Variants in DOCK3 observed in about 807,000 individuals in gnomAD.
DOCK3 encodes dedicator of cytokinesis 3.
A neutral mutation model predicts 265.6 loss-of-function variants in DOCK3; 60 were observed. That is an observed-to-expected ratio of 0.23 (90% CI 0.18 to 0.28). The LOEUF (loss-of-function observed/expected upper bound fraction) is 0.28. Among genes scored for constraint, DOCK3 ranks in the 10% least tolerant of loss-of-function variants. The pLI is 1.00. For missense variants in DOCK3, 1,981 were observed against 2,594.3 expected (o/e 0.76, Z 5.14); for synonymous variants, 881 against 938.0 (o/e 0.94, Z 1.11).
intron 5 of DOCK3, among the ~76,000 whole-genome samples, chr3:50,963,689 G>T (rs2076950619): frequency 6.6e-6 from 1 of 152,132 alleles, no homozygotes; most frequent in Non-Finnish European, 1.5e-5. Flanking sequence ...AAAGGATAGT[G>T]ATCCTTTAGA....
chr3:50,769,667 C>T (rs1007986534), intron 1 of DOCK3, among the ~76,000 whole-genome samples: 5 of 151,646 alleles, frequency 3.3e-5, no homozygotes, highest in Admixed American at 6.6e-5. Flanking sequence ...AAAAATTAGC[C>T]GGGTGTGTGT....
rs28739431 is a variant in DOCK3 at position 50,819,956 on chromosome 3, C to T, written c.122-21719C>T. 3.3e-3 allele frequency among the ~76,000 whole-genome samples: 509 copies of T among 152,046 alleles called. 1 individual carries two copies. Among genetic ancestry groups the T allele is most frequent in the African/African-American group, 9.9e-3 (409 of 41,490 alleles). The stretch of plus-strand genomic sequence containing the variant: ...TAACTTGGGCGAGAGAGCAAGACTC[C>T]GTCTCAAAATAAAAAACAACAACAA... On this transcript the variant is annotated intron_variant, in intron 2 of 52. Transcript: ENST00000266037.
chr3:51,315,601 G>A (rs758801019), intron 32 of DOCK3, among the ~76,000 whole-genome samples: 1 of 152,132 alleles, frequency 6.6e-6, no homozygotes, highest in Non-Finnish European at 1.5e-5. Context: ...AATGGCTTCA[G>A]GCTGTCCTCC....
At chr3:50,798,956 C>A (rs1293939378) in intron 2 of DOCK3, among the ~76,000 whole-genome samples, 2 of 152,104 alleles carry the variant, frequency 1.3e-5, no homozygotes, top group Admixed American at 1.3e-4. Flanking sequence ...CCAGTTTTTT[C>A]AGCATAATTT....
intron 12 of DOCK3, among the ~76,000 whole-genome samples, chr3:51,204,899 A>G (rs1576405979): frequency 6.6e-6 from 1 of 152,080 alleles, no homozygotes; most frequent in African/African-American, 2.4e-5. Flanking sequence ...CATCATTCTC[A>G]GTAAACTATC....
At chr3:50,800,380 T>G (rs543840061) in intron 2 of DOCK3, among the ~76,000 whole-genome samples, 14,311 of 152,178 alleles carry the variant, frequency 0.094, 821 homozygotes, top group Non-Finnish European at 0.12. Context: ...GTTATTATTG[T>G]TATTGGTTCA....
chr3:51,298,643 A>G (rs148895639), intron 27 of DOCK3, among the ~76,000 whole-genome samples: 6 of 152,200 alleles, frequency 3.9e-5, no homozygotes, highest in African/African-American at 1.4e-4. Flanking sequence ...GCACCCACTT[A>G]TAAGTGAGAA....
At chr3:51,111,217 G>A (rs2109837988) in intron 9 of DOCK3, among the ~76,000 whole-genome samples, 1 of 152,190 alleles carries the variant, frequency 6.6e-6, no homozygotes, top group East Asian at 1.9e-4. Context: ...CATGCTCATG[G>A]ATAGGAAGAA....
chr3:51,266,076 C>G (rs946244797), intron 23 of DOCK3, among the ~76,000 whole-genome samples: 2 of 152,072 alleles, frequency 1.3e-5, no homozygotes, highest in Admixed American at 6.5e-5. Context: ...CGCCCCTTTA[C>G]AATTGCTACA....
At chr3:51,295,775 G>T (rs1309253045) in intron 27 of DOCK3, among the ~76,000 whole-genome samples, 1 of 151,932 alleles carries the variant, frequency 6.6e-6, no homozygotes, top group Non-Finnish European at 1.5e-5. Context: ...GGGCAATAAG[G>T]CGTTGGGGGG....
At chr3:51,174,338 T>C (rs1422141775) in intron 12 of DOCK3, among the ~76,000 whole-genome samples, 1 of 152,052 alleles carries the variant, frequency 6.6e-6, no homozygotes, top group Non-Finnish European at 1.5e-5. Flanking sequence ...GTGTGGTGGT[T>C]TGTGCCTATA....
At chr3:51,135,622 T>C (rs2107058051) in intron 9 of DOCK3, among the ~76,000 whole-genome samples, 1 of 152,348 alleles carries the variant, frequency 6.6e-6, no homozygotes, top group South Asian at 2.1e-4. Context: ...GTACTACTAA[T>C]GGTAGTCAAA....
At chr3:50,705,345 C>T (rs139641909) in intron 1 of DOCK3, among the ~76,000 whole-genome samples, 244 of 152,168 alleles carry the variant, frequency 1.6e-3, no homozygotes, top group African/African-American at 5.4e-3. Flanking sequence ...TGATTGGATC[C>T]TGGGGCAGTT....
intron 3 of DOCK3, among the ~76,000 whole-genome samples, chr3:50,874,066 G>GTTTTTTTTTTT (rs3043436): frequency 3.8e-5 from 4 of 106,220 alleles, no homozygotes; most frequent in African/African-American, 6.4e-5. Flanking sequence ...CTTTTCTTTT[G>GTTTTTTTTTTT]TTTTTTTTTT....
chr3:51,315,032 G>A lies in DOCK3; in HGVS notation c.3306G>A (p.Val1102=). The A allele has an allele frequency of 6.2e-7, 1 of 1,612,892 alleles. No homozygotes were observed. Residue 1102 remains valine, a synonymous_variant, in exon 32 of 53, where the codon GTG becomes GTA. Transcript: ENST00000266037. ...IPGMIGPFLG[V]TLVPQPEVRN... is the part of the protein sequence containing the mutation. ...GAATGATTGGTCCTTTTCTGGGTGT[G>A]ACACTGGTCCCACAGCCAGAAGTAC...
At chr3:50,880,900 C>T (rs958944989) in intron 3 of DOCK3, among the ~76,000 whole-genome samples, 1 of 152,180 alleles carries the variant, frequency 6.6e-6, no homozygotes, top group Admixed American at 6.5e-5. Context: ...CAAACTGAAT[C>T]CAGCAGCGAA....
Position 51,167,173 on chromosome 3 carries a change from G to A in DOCK3, c.1037+6471G>A, listed in dbSNP as rs545938823. 4.6e-5 allele frequency among the ~76,000 whole-genome samples: 7 copies of A among 152,202 alleles called. No individual in the cohort carries two copies. The East Asian group carries it at 9.6e-4, about 21-fold the overall frequency. On this transcript the variant is annotated intron_variant, in intron 12 of 52. Transcript: ENST00000266037. The stretch of plus-strand genomic sequence containing the variant: ...AAGGTCCTATTTCATCCTTTTATAT[G>A]TGGATGTACAGTTTTCCCAGCATCA...
chr3:50,718,634 T>C (rs1458052953), intron 1 of DOCK3, among the ~76,000 whole-genome samples: 1 of 152,220 alleles, frequency 6.6e-6, no homozygotes, highest in African/African-American at 2.4e-5. Context: ...ATTATATCTC[T>C]GTAATTATAT....
chr3:50,970,014 G>A (rs1003414548), intron 5 of DOCK3, among the ~76,000 whole-genome samples: 1 of 152,154 alleles, frequency 6.6e-6, no homozygotes, highest in Admixed American at 6.5e-5. Flanking sequence ...GGAGCTTCCA[G>A]TGAGCCGAGA....
Sources: gnomAD v4.1 joint callset for allele counts (sites outside exome capture counted in the v4.1 genomes callset) on GRCh38, gnomAD v4.1.1 for gene constraint, MANE v1.5 for transcripts, NCBI Gene and HGNC (gene_info 2026-07-23, HGNC 2026-07-21) for gene names.